RBFOX1: variants seen among roughly 807,000 people sequenced by gnomAD.
The protein encoded by RBFOX1 is RNA binding protein fox-1 homolog 1.
A neutral mutation model predicts 57.7 loss-of-function variants in RBFOX1; 8 were observed. That is an observed-to-expected ratio of 0.14 (90% CI 0.08 to 0.25). RBFOX1 has a LOEUF of 0.25. Among genes scored for constraint, RBFOX1 ranks in the 10% least tolerant of loss-of-function variants. The pLI is 1.00. For synonymous variants in RBFOX1, 326 were observed against 222.4 expected, an observed-to-expected ratio of 1.47 and a Z score of -4.15; for missense variants, 611 against 548.5, an observed-to-expected ratio of 1.11 and a Z score of -1.14.
At chr16:6,608,015 T>C (rs1421769112) in intron 2 of RBFOX1, among the ~76,000 whole-genome samples, 1 of 152,162 alleles carries the variant, frequency 6.6e-6, no homozygotes, top group Admixed American at 6.5e-5. Flanking sequence ...TGATACATCC[T>C]CTGTAATATT....
intron 2 of RBFOX1, among the ~76,000 whole-genome samples, chr16:5,535,780 A>G (rs759837927): frequency 6.6e-6 from 1 of 152,210 alleles, no homozygotes; most frequent in Non-Finnish European, 1.5e-5. Flanking sequence ...AACTTTGTGC[A>G]TCTCTTATGT....
At chr16:6,864,239 C>G (rs1218930700) in intron 3 of RBFOX1, among the ~76,000 whole-genome samples, 1 of 152,084 alleles carries the variant, frequency 6.6e-6, no homozygotes, top group African/African-American at 2.4e-5. Flanking sequence ...GGGTTCTTCT[C>G]AAAGCATAAC....
At chr16:6,727,112 A>ATT (rs1455077931) in intron 3 of RBFOX1, among the ~76,000 whole-genome samples, 1 of 34,876 alleles carries the variant, frequency 2.9e-5, no homozygotes, top group Non-Finnish European at 1.0e-4. Context: ...ACATAAATAT[A>ATT]TGTGTGTGTG....
rs111533542 is a variant in RBFOX1 at position 6,275,008 on chromosome 16, C to T, written c.-126-41987C>T. The stretch of plus-strand genomic sequence containing the variant: ...TTAGCTGAGATATGTCGCTCTTGTC[C>T]GGAGAGTGACATGGAAATATCCAGT... On this transcript the variant is annotated intron_variant, in intron 1 of 15. Coordinates refer to ENST00000550418, the MANE Select transcript of RBFOX1 (RefSeq NM_018723.4). Among the ~76,000 whole-genome samples, 1,428 of 152,146 alleles carry T rather than the reference C, an allele frequency of 9.4e-3. 11 individuals carry two copies. The highest frequency in any genetic ancestry group is 0.016 in the Non-Finnish European group (1,076 of 67,992).
chr16:7,462,531 A>G (rs990758688), intron 4 of RBFOX1, among the ~76,000 whole-genome samples: 1 of 152,244 alleles, frequency 6.6e-6, no homozygotes, highest in Non-Finnish European at 1.5e-5. Flanking sequence ...GCCATGTATT[A>G]TCTCACAGCT....
chr16:7,001,250 G>A (rs914887698), intron 3 of RBFOX1, among the ~76,000 whole-genome samples: 50 of 152,154 alleles, frequency 3.3e-4, no homozygotes, highest in African/African-American at 1.2e-3. Context: ...TCTTTCTGCT[G>A]TCTCCTTGTT....
chr16:5,632,264 A>C (rs2151306793), intron 3 of RBFOX1, among the ~76,000 whole-genome samples: 1 of 152,376 alleles, frequency 6.6e-6, no homozygotes, highest in South Asian at 2.1e-4. Flanking sequence ...GAACGAGAGT[A>C]AGGATGAATA....
chr16:7,507,683 C>G (rs1005435011), intron 4 of RBFOX1, among the ~76,000 whole-genome samples: 1 of 150,670 alleles, frequency 6.6e-6, no homozygotes, highest in African/African-American at 2.4e-5. Context: ...TCTGCCTCAA[C>G]CTCCCAAGTA....
intron 2 of RBFOX1, among the ~76,000 whole-genome samples, chr16:6,616,429 C>G (rs1391024234): frequency 2.6e-5 from 4 of 151,404 alleles, no homozygotes; most frequent in Non-Finnish European, 4.4e-5. Flanking sequence ...GTAATCCCAA[C>G]ACTTCAGGAG....
intron 4 of RBFOX1, among the ~76,000 whole-genome samples, chr16:7,202,099 C>G (rs796770908): frequency 1.3e-5 from 2 of 151,848 alleles, no homozygotes; most frequent in South Asian, 2.1e-4. Flanking sequence ...ATGGGTTACT[C>G]AACAACAACA....
rs199632037 is a variant in RBFOX1, at chr16:7,114,247, TGC to T, written c.27+62150_27+62151del. Among the ~76,000 whole-genome samples, 1,122 of 152,300 alleles carry T rather than the reference TGC, an allele frequency of 7.4e-3. 17 individuals carry two copies. Among genetic ancestry groups the T allele is most frequent in the Admixed American group, 0.024 (371 of 15,294 alleles). ...AAATAATTAGGAAAGTGATTGTGTGTGCACATGAGTGTACTTGTGTACACATT... is the reference window on the plus strand; with the variant it reads ...AAATAATTAGGAAAGTGATTGTGTGTACATGAGTGTACTTGTGTACACATT... On this transcript the variant is annotated intron_variant, in intron 4 of 15. Coordinates refer to ENST00000550418, the MANE Select transcript of RBFOX1 (RefSeq NM_018723.4).
In RBFOX1 at chr16:5,705,902, G is replaced by A. The variant is rs1253654914; in HGVS notation, c.318+106941G>A. Reference sequence around the variant, plus strand: ...TTTCTCAGACACATGAACTGATCGTGTTGCTTTTTTTTCTGTCTTTTTTAT... The same window carrying A: ...TTTCTCAGACACATGAACTGATCGTATTGCTTTTTTTTCTGTCTTTTTTAT... On this transcript the variant is annotated intron_variant, in intron 3 of 19. Transcript: ENST00000641259. Among the ~76,000 whole-genome samples the A allele has an allele frequency of 2.0e-5, 3 of 152,096 alleles. No homozygotes were observed. In the East Asian group the frequency reaches 5.8e-4, roughly 29 times the overall value.
chr16:7,408,494 T>C (rs2098383851), intron 4 of RBFOX1, among the ~76,000 whole-genome samples: 1 of 152,222 alleles, frequency 6.6e-6, no homozygotes, highest in Admixed American at 6.5e-5. Context: ...TTTGATCTGC[T>C]GAGAAGTAGC....
chr16:5,799,092 C>G (rs1197774864), intron 3 of RBFOX1, among the ~76,000 whole-genome samples: 1 of 152,122 alleles, frequency 6.6e-6, no homozygotes, highest in Non-Finnish European at 1.5e-5. Flanking sequence ...TTGCACATGG[C>G]TGGGGAGGCC....
At chr16:5,720,204 T>C (rs912236706) in intron 3 of RBFOX1, among the ~76,000 whole-genome samples, 8 of 152,124 alleles carry the variant, frequency 5.3e-5, no homozygotes, top group African/African-American at 1.4e-4. Flanking sequence ...TGCTTACTGG[T>C]CATTTGTAGT....
At chr16:5,881,415 C>T (rs571937144) in intron 4 of RBFOX1, among the ~76,000 whole-genome samples, 1 of 152,290 alleles carries the variant, frequency 6.6e-6, no homozygotes, top group South Asian at 2.1e-4. Context: ...TGTGGTGGCT[C>T]ACACCTGTAA....
chr16:5,861,241 A>G (rs1156836704), intron 3 of RBFOX1, among the ~76,000 whole-genome samples: 2 of 152,196 alleles, frequency 1.3e-5, no homozygotes, highest in South Asian at 2.1e-4. Context: ...CACCAGAACC[A>G]TCTTCTCCCC....
chr16:6,736,628 A>C (rs1167652773), intron 3 of RBFOX1, among the ~76,000 whole-genome samples: 1 of 152,208 alleles, frequency 6.6e-6, no homozygotes, highest in African/African-American at 2.4e-5. Flanking sequence ...ATGCATGTGC[A>C]AGTATCTTTT....
chr16:7,595,101 T>C (rs1421761498), intron 7 of RBFOX1, among the ~76,000 whole-genome samples: 2 of 152,182 alleles, frequency 1.3e-5, no homozygotes, highest in African/African-American at 4.8e-5. Flanking sequence ...CTGTAGGCAA[T>C]GTTAGAGGAT....
Sources: gnomAD v4.1 joint callset for allele counts (sites outside exome capture counted in the v4.1 genomes callset) on GRCh38, gnomAD v4.1.1 for gene constraint, MANE v1.5 for transcripts, NCBI Gene and HGNC (gene_info 2026-07-23, HGNC 2026-07-21) for gene names.